Variants in AHCY observed in about 807,000 individuals in gnomAD.
The protein encoded by AHCY is S-adenosyl-L-homocysteine hydrolase.
In AHCY, 24 loss-of-function variants were observed where a neutral mutation model predicts 45.4. That is an observed-to-expected ratio of 0.53 (90% CI 0.38 to 0.74). AHCY has a LOEUF of 0.74. AHCY is among the 30% of genes least tolerant of loss of function. AHCY has a pLI of 0.00. For synonymous variants in AHCY, 245 were observed against 235.1 expected, an observed-to-expected ratio of 1.04 and a Z score of -0.39; for missense variants, 449 against 594.1, an observed-to-expected ratio of 0.76 and a Z score of 2.54.
chr20:34,237,420 C>T, the AHCY span, among the ~76,000 whole-genome samples: 1 of 152,090 alleles, frequency 6.6e-6, no homozygotes, highest in Non-Finnish European at 1.5e-5. Context: ...TCTTTTGATG[C>T]TTTTGTAGAT....
At chr20:34,277,672 G>A (rs113002303), downstream of AHCY, among the ~76,000 whole-genome samples, 2,639 of 149,208 alleles carry the variant, frequency 0.018, 45 homozygotes, top group Middle Eastern at 0.031. Flanking sequence ...GGAGAATGGC[G>A]TGAACCTGGG....
chr20:34,280,910 G>A lies in AHCY; in HGVS notation c.*124C>T. On this transcript the variant is annotated 3_prime_UTR_variant, in exon 10 of 10. Coordinates refer to ENST00000217426, the MANE Select transcript of AHCY (RefSeq NM_000687.4). ...GCAGAGGCCAAAAACTAAGTGATCA[G>A]CCCCAGAGAGTCGATGGGGGACACT... is the stretch of plus-strand genomic sequence containing the variant. 7.0e-7 allele frequency: 1 copy of A among 1,437,690 alleles called. No individual in the cohort carries two copies. The highest frequency in any genetic ancestry group is 9.5e-7 in the Non-Finnish European group (1 of 1,050,896). The allele number at this position is 1,437,690 out of a possible 1,614,324, so 89.1% of individuals were successfully genotyped here.
chr20:34,274,367 G>A, the AHCY span, among the ~76,000 whole-genome samples: 6 of 152,270 alleles, frequency 3.9e-5, no homozygotes, highest in East Asian at 1.2e-3. Flanking sequence ...TTCAGATCCA[G>A]CCCATGTCAT....
chr20:34,296,394 T>C (rs1049404165), intron 1 of AHCY, among the ~76,000 whole-genome samples: 10 of 152,182 alleles, frequency 6.6e-5, no homozygotes, highest in African/African-American at 2.4e-4. Context: ...ATCTATATCC[T>C]CTGGCTTTGA....
chr20:34,233,464 A>C, the AHCY span, among the ~76,000 whole-genome samples: 1 of 152,114 alleles, frequency 6.6e-6, no homozygotes, highest in Non-Finnish European at 1.5e-5. Flanking sequence ...ATAAACTTTG[A>C]AAACATTTTG....
At chr20:34,253,163 A>G in the AHCY span, among the ~76,000 whole-genome samples, 161 of 150,760 alleles carry the variant, frequency 1.1e-3, 1 homozygote, top group African/African-American at 3.9e-3. Flanking sequence ...GCTGGAGTGC[A>G]GTGGCTCACT....
chr20:34,295,808 C>T (rs1277976682), intron 1 of AHCY, among the ~76,000 whole-genome samples: 1 of 152,192 alleles, frequency 6.6e-6, no homozygotes, highest in Non-Finnish European at 1.5e-5. Context: ...TGGGAGAACA[C>T]ATTTAATCAC....
At chr20:34,304,619 A>C (rs1344997558), upstream of AHCY, among the ~76,000 whole-genome samples, 1 of 151,684 alleles carries the variant, frequency 6.6e-6, no homozygotes, top group East Asian at 1.9e-4. Context: ...TCCCGGGTTC[A>C]AGCAATTCTC....
the AHCY span, among the ~76,000 whole-genome samples, chr20:34,235,311 G>A: frequency 6.6e-6 from 1 of 152,084 alleles, no homozygotes; most frequent in Non-Finnish European, 1.5e-5. Flanking sequence ...GAGGTGGCAG[G>A]CACCTGTAAT....
At chr20:34,308,757 G>A (rs557017477) in intron 1 of AHCY, among the ~76,000 whole-genome samples, 2 of 151,186 alleles carry the variant, frequency 1.3e-5, no homozygotes, top group Non-Finnish European at 1.5e-5. Flanking sequence ...GGGTTCAAGC[G>A]ATTCTCCTGC....
rs2036328623 is a variant in AHCY at position 34,290,240 on chromosome 20, T to C, written c.972+92A>G. 4 of 1,233,218 alleles carry C rather than the reference T, an allele frequency of 3.2e-6. No individual in the cohort carries two copies. The highest frequency in any genetic ancestry group is 4.7e-6 in the Non-Finnish European group (4 of 842,898). 76.4% of individuals were successfully genotyped at this position (1,233,218 alleles called of 1,614,324 possible). A position where few individuals can be genotyped will look rare whatever the true frequency, so the allele number is the denominator to read the frequency against. On this transcript the variant is annotated intron_variant, in intron 8 of 9. Transcript: ENST00000217426. The surrounding 1 kb of genome is among the most constrained non-coding windows in gnomAD (Gnocchi z 4.5). Reference sequence around the variant, plus strand: ...TCTTCTCCCCATCCCCCTGCACAGGTTGCCACCATCTCCTCAGCTCTCCTC... The same window carrying C: ...TCTTCTCCCCATCCCCCTGCACAGGCTGCCACCATCTCCTCAGCTCTCCTC...
At chr20:34,274,255 T>A in the AHCY span, among the ~76,000 whole-genome samples, 1 of 152,286 alleles carries the variant, frequency 6.6e-6, no homozygotes, top group African/African-American at 2.4e-5. Flanking sequence ...ACCAAGACTA[T>A]CAAATTAACG....
At chr20:34,308,233 T>G (rs1402831393), upstream of AHCY, among the ~76,000 whole-genome samples, 1 of 152,258 alleles carries the variant, frequency 6.6e-6, no homozygotes. Context: ...ATGTCTTTGC[T>G]ATTGTGAATA....
At chr20:34,262,686 T>C in the AHCY span, 1 of 800,614 alleles carries the variant, frequency 1.2e-6, no homozygotes. Context: ...CCTACTGGCT[T>C]GAGTCCTACA....
the AHCY span, among the ~76,000 whole-genome samples, chr20:34,266,682 C>T: frequency 0.13 from 19,597 of 152,106 alleles, 1,347 homozygotes; most frequent in East Asian, 0.22. Flanking sequence ...CAAAAACAAA[C>T]AAACAAACAA....
the AHCY span, among the ~76,000 whole-genome samples, chr20:34,233,827 T>C: frequency 6.6e-6 from 1 of 152,076 alleles, no homozygotes; most frequent in African/African-American, 2.4e-5. Flanking sequence ...AACCATTACC[T>C]GAGAAAAAGT....
chr20:34,251,020 C>T, the AHCY span, among the ~76,000 whole-genome samples: 18 of 152,210 alleles, frequency 1.2e-4, 1 homozygote, highest in South Asian at 2.5e-3. Flanking sequence ...CATGTGTGCA[C>T]GCACGTCAAC....
chr20:34,269,955 A>T, the AHCY span, among the ~76,000 whole-genome samples: 2 of 67,600 alleles, frequency 3.0e-5, no homozygotes, highest in African/African-American at 8.9e-5. Context: ...TTAAAAAAAA[A>T]AAAAAAAAAA....
the AHCY span, chr20:34,260,392 A>C: frequency 3.1e-6 from 5 of 1,613,134 alleles, no homozygotes; most frequent in Non-Finnish European, 4.2e-6. Context: ...TCACCCGCTT[A>C]CTCCTGGCCA....
Sources: gnomAD v4.1 joint callset for allele counts (sites outside exome capture counted in the v4.1 genomes callset) on GRCh38, gnomAD v4.1.1 for gene constraint, Gnocchi (gnomAD v3.1) non-coding constraint, MANE v1.5 for transcripts, NCBI Gene and HGNC (gene_info 2026-07-23, HGNC 2026-07-21) for gene names.